HECW2: variants seen among roughly 807,000 people sequenced by gnomAD.
HECW2 encodes HECT, C2 and WW domain containing E3 ubiquitin protein ligase 2.
In HECW2, 61 loss-of-function variants were observed where a neutral mutation model predicts 175.2. That is an observed-to-expected ratio of 0.35 (90% CI 0.28 to 0.43). HECW2 has a LOEUF of 0.43. HECW2 is among the 20% of genes least tolerant of loss of function. The pLI is 1.00. For synonymous variants in HECW2, 671 were observed against 731.0 expected (o/e 0.92, Z 1.32); for missense variants, 1,524 against 2,000.5 (o/e 0.76, Z 4.54).
chr2:196,199,343 A>C lies in HECW2; in HGVS notation c.*1934T>G, dbSNP rs771834423. 6.6e-6 allele frequency: 1 copy of C among 152,666 alleles called. No individual in the cohort carries two copies. The highest frequency in any genetic ancestry group is 2.4e-5 in the African/African-American group (1 of 41,460). The allele number at this position is 152,666 out of a possible 1,614,324, so 9.5% of individuals were successfully genotyped here. ...TTTTCTTTTTTTCTCTTCCAATTATAGAATACAGAGAGCTCTTCCTTTCTT... is the reference window on the plus strand; with the variant it reads ...TTTTCTTTTTTTCTCTTCCAATTATCGAATACAGAGAGCTCTTCCTTTCTT... On this transcript the variant is annotated 3_prime_UTR_variant, in exon 29 of 29. Transcript: ENST00000644978.
intron 1 of HECW2, among the ~76,000 whole-genome samples, chr2:196,521,602 A>G (rs1407094548): frequency 3.4e-5 from 5 of 148,736 alleles, no homozygotes; most frequent in Non-Finnish European, 7.5e-5. Context: ...ATCTAGCATT[A>G]GGTATATCTC....
intron 17 of HECW2, among the ~76,000 whole-genome samples, chr2:196,268,763 G>A (rs1489481006): frequency 6.6e-6 from 1 of 152,210 alleles, no homozygotes; most frequent in Non-Finnish European, 1.5e-5. Flanking sequence ...GGTTGGAAGT[G>A]GTAGAAGAGA....
chr2:196,397,359 C>T (rs1057380887), intron 2 of HECW2, among the ~76,000 whole-genome samples: 2 of 152,154 alleles, frequency 1.3e-5, no homozygotes, highest in Admixed American at 1.3e-4. Flanking sequence ...GAAGGGCTTA[C>T]TGACATTCAC....
chr2:196,553,063 G>A (rs576701590), intron 1 of HECW2, among the ~76,000 whole-genome samples: 5 of 152,166 alleles, frequency 3.3e-5, no homozygotes, highest in South Asian at 2.1e-4. Flanking sequence ...GGAAAATATC[G>A]CATCTTTTCT....
At chr2:196,483,439 G>C (rs1429174087) in intron 1 of HECW2, among the ~76,000 whole-genome samples, 2 of 152,122 alleles carry the variant, frequency 1.3e-5, no homozygotes, top group African/African-American at 4.8e-5. Context: ...GGAACACAAA[G>C]GGAAAACATC....
At chr2:196,475,622 G>A (rs1031850812) in intron 1 of HECW2, among the ~76,000 whole-genome samples, 15 of 152,210 alleles carry the variant, frequency 9.9e-5, no homozygotes, top group African/African-American at 3.1e-4. Flanking sequence ...ATATCTGCCA[G>A]CAGCACCAGG....
Position 196,308,105 on chromosome 2 carries a change from C to G in HECW2, c.2435-20G>C. On this transcript the variant is annotated intron_variant, in intron 10 of 28. Transcript: ENST00000644978. Reference sequence around the variant, plus strand: ...CCCAGTCTAAATGGCAGTGAGGCACCGAAAGGAATTAGGAGGAGGAGCTGA... The same window carrying G: ...CCCAGTCTAAATGGCAGTGAGGCACGGAAAGGAATTAGGAGGAGGAGCTGA... 2.6e-6 allele frequency: 4 copies of G among 1,534,490 alleles called. No homozygotes were observed. Among genetic ancestry groups the G allele is most frequent in the Non-Finnish European group, 3.5e-6 (4 of 1,128,944 alleles).
intron 20 of HECW2, among the ~76,000 whole-genome samples, chr2:196,241,688 T>G (rs977129931): frequency 6.6e-6 from 1 of 152,202 alleles, no homozygotes; most frequent in African/African-American, 2.4e-5. Context: ...TTCACAGAAC[T>G]GAACAGAGCT....
At chr2:196,330,265 C>T (rs1692310271) in intron 4 of HECW2, among the ~76,000 whole-genome samples, 1 of 152,104 alleles carries the variant, frequency 6.6e-6, no homozygotes, top group Non-Finnish European at 1.5e-5. Context: ...CACAAGAAGC[C>T]AGTAATTTAT....
At chr2:196,412,489 A>G (rs1248123584) in intron 2 of HECW2, among the ~76,000 whole-genome samples, 1 of 152,230 alleles carries the variant, frequency 6.6e-6, no homozygotes, top group Non-Finnish European at 1.5e-5. Context: ...TCTGGATTAT[A>G]GAAGGCACAG....
intron 1 of HECW2, among the ~76,000 whole-genome samples, chr2:196,547,349 G>A (rs1689459009): frequency 6.6e-6 from 1 of 152,152 alleles, no homozygotes; most frequent in African/African-American, 2.4e-5. Context: ...GCTGTCCAAG[G>A]CCAACTGTAA....
chr2:196,296,920 G>A (rs1690837302), intron 13 of HECW2, among the ~76,000 whole-genome samples: 1 of 152,152 alleles, frequency 6.6e-6, no homozygotes, highest in African/African-American at 2.4e-5. Context: ...TTCTCCTGGG[G>A]TTTAGTGGTT....
chr2:196,298,703 T>C (rs1690912182), intron 13 of HECW2, among the ~76,000 whole-genome samples: 1 of 152,212 alleles, frequency 6.6e-6, no homozygotes, highest in Non-Finnish European at 1.5e-5. Flanking sequence ...TGTGTCCAAG[T>C]GTTCTTCTCA....
intron 12 of HECW2, 86 bp from the exon 13 acceptor site, chr2:196,306,698 G>T: frequency 7.6e-7 from 1 of 1,313,202 alleles, no homozygotes; most frequent in Non-Finnish European, 1.0e-6. Flanking sequence ...CATTTCAAAA[G>T]AATCATAGGA....
intron 18 of HECW2, among the ~76,000 whole-genome samples, chr2:196,255,859 G>C (rs1689035128): frequency 6.6e-6 from 1 of 152,190 alleles, no homozygotes; most frequent in Non-Finnish European, 1.5e-5. Flanking sequence ...GATTGCCTGA[G>C]CTCAGGAGTT....
At chr2:196,363,097 C>T (rs1029898682) in intron 2 of HECW2, among the ~76,000 whole-genome samples, 4 of 152,104 alleles carry the variant, frequency 2.6e-5, no homozygotes, top group Admixed American at 2.0e-4. Context: ...GTGAACACAG[C>T]AAGCCAGGCA....
chr2:196,501,154 A>G (rs1212390716), intron 1 of HECW2, among the ~76,000 whole-genome samples: 1 of 152,246 alleles, frequency 6.6e-6, no homozygotes, highest in African/African-American at 2.4e-5. Flanking sequence ...TAACTTTTTT[A>G]AATTATAAGT....
chr2:196,334,990 A>T (rs529474172), intron 3 of HECW2, among the ~76,000 whole-genome samples: 1 of 152,350 alleles, frequency 6.6e-6, no homozygotes, highest in Non-Finnish European at 1.5e-5. Context: ...CAAAGCCTTC[A>T]CTCATAACCT....
chr2:196,591,870 G>A lies in HECW2; in HGVS notation c.-36+1638C>T, dbSNP rs139926026. Among the ~76,000 whole-genome samples the A allele has an allele frequency of 5.3e-3, 807 of 152,184 alleles. 8 individuals carry two copies. The highest frequency in any genetic ancestry group is 0.018 in the African/African-American group (757 of 41,536). The stretch of plus-strand genomic sequence containing the variant: ...TTATTTTAATAACTCCAAAGATAAA[G>A]TCAATAACTGATCTTTCTTTCTTTG... On this transcript the variant is annotated intron_variant, in intron 1 of 28. Coordinates refer to ENST00000644978, the MANE Select transcript of HECW2 (RefSeq NM_001348768.2).
Sources: gnomAD v4.1 joint callset for allele counts (sites outside exome capture counted in the v4.1 genomes callset) on GRCh38, gnomAD v4.1.1 for gene constraint, MANE v1.5 for transcripts, NCBI Gene and HGNC (gene_info 2026-07-23, HGNC 2026-07-21) for gene names.